The following SIL1 variants were observed in gnomAD, a reference collection of about 807,000 sequenced individuals.
SIL1 encodes SIL1 nucleotide exchange factor, also known as nucleotide exchange factor SIL1.
A neutral mutation model predicts 49.1 loss-of-function variants in SIL1; 40 were observed. The ratio of observed to expected loss-of-function variants is 0.81; its 90% CI spans 0.63 to 1.06. The LOEUF (loss-of-function observed/expected upper bound fraction) is 1.06, where lower values mean the gene tolerates loss of function less well. SIL1 is among the 50% of genes least tolerant of loss of function. The pLI, the probability that SIL1 is intolerant of heterozygous loss-of-function variation, is 0.00. For missense variants in SIL1, 500 were observed against 572.6 expected, an observed-to-expected ratio of 0.87 and a Z score of 1.29; for synonymous variants, 253 against 250.8, an observed-to-expected ratio of 1.01 and a Z score of -0.08.
chr5:139,034,446 C>T (rs1406529818), intron 5 of SIL1: 1 of 151,994 alleles, frequency 6.6e-6, no homozygotes, highest in African/African-American at 2.4e-5. Flanking sequence ...AACCAAGGTA[C>T]ATTTTATATA....
At chr5:139,131,539 G>A (rs543062993) in intron 1 of SIL1, 23 of 152,270 alleles carry the variant, frequency 1.5e-4, no homozygotes, top group Admixed American at 5.9e-4. Flanking sequence ...GCAAAGGCTC[G>A]GGTACTAAAA....
chr5:139,110,763 G>C (rs546017158), intron 3 of SIL1, among the ~76,000 whole-genome samples: 2 of 152,346 alleles, frequency 1.3e-5, no homozygotes, highest in Non-Finnish European at 2.9e-5. Context: ...GCCTCAAAGA[G>C]TTCCCTTGAT....
chr5:139,165,510 G>A (rs545040093), intron 1 of SIL1, among the ~76,000 whole-genome samples: 5 of 152,044 alleles, frequency 3.3e-5, no homozygotes, highest in Admixed American at 1.3e-4. Flanking sequence ...CACCACACCT[G>A]GCTAATTTTT....
intron 1 of SIL1, among the ~76,000 whole-genome samples, chr5:139,191,159 G>A (rs974939207): frequency 2.7e-5 from 4 of 149,898 alleles, no homozygotes; most frequent in African/African-American, 7.4e-5. Context: ...TTGAACCTGG[G>A]AGGCAGAGGT....
At chr5:138,999,821 C>T (rs1318501536) in intron 7 of SIL1, among the ~76,000 whole-genome samples, 1 of 152,046 alleles carries the variant, frequency 6.6e-6, no homozygotes, top group East Asian at 1.9e-4. Context: ...TTGCTTGAGC[C>T]CAGCAGGTCA....
intron 7 of SIL1, among the ~76,000 whole-genome samples, chr5:138,978,467 T>C (rs1767440810): frequency 6.6e-6 from 1 of 152,254 alleles, no homozygotes; most frequent in Non-Finnish European, 1.5e-5. Context: ...TGTTTCCACT[T>C]TTTGGCTGTT....
chr5:138,970,167 G>A (rs1356685866), intron 7 of SIL1, among the ~76,000 whole-genome samples: 1 of 152,258 alleles, frequency 6.6e-6, no homozygotes, highest in African/African-American at 2.4e-5. Context: ...GAAGGGAGAT[G>A]AAAATGTATG....
intron 7 of SIL1, among the ~76,000 whole-genome samples, chr5:139,015,544 C>T (rs1768380049): frequency 1.3e-5 from 2 of 152,166 alleles, no homozygotes; most frequent in South Asian, 4.2e-4. Flanking sequence ...TCATAAATAA[C>T]CCAGTTTCCT....
At chr5:139,077,023 AT>A (rs1287177926) in intron 3 of SIL1, among the ~76,000 whole-genome samples, 1 of 152,176 alleles carries the variant, frequency 6.6e-6, no homozygotes, top group African/African-American at 2.4e-5. Flanking sequence ...AAACCCAGCT[AT>A]TTGGGAGGCT....
chr5:138,996,042 T>C (rs924030502), intron 7 of SIL1, among the ~76,000 whole-genome samples: 1 of 152,260 alleles, frequency 6.6e-6, no homozygotes, highest in African/African-American at 2.4e-5. Context: ...TCCTTTCTTT[T>C]GGACATACAC....
intron 3 of SIL1, among the ~76,000 whole-genome samples, chr5:139,056,753 C>G (rs1158224265): frequency 6.6e-6 from 1 of 151,802 alleles, no homozygotes; most frequent in Admixed American, 6.6e-5. Flanking sequence ...GGCGCCTCTG[C>G]CTGCCCGCCC....
chr5:139,177,214 G>T (rs1379089076), intron 1 of SIL1, among the ~76,000 whole-genome samples: 1 of 151,588 alleles, frequency 6.6e-6, no homozygotes, highest in African/African-American at 2.4e-5. Flanking sequence ...TTATAGGCGT[G>T]AGCCACCACG....
At position 139,121,121 on chromosome 5, in the gene SIL1, C is replaced by T; in HGVS notation, c.158G>A (p.Arg53Lys). 6.2e-7 allele frequency: 1 copy of T among 1,614,216 alleles called. No homozygotes were observed. Among genetic ancestry groups the T allele is most frequent in the Non-Finnish European group, 8.5e-7 (1 of 1,180,042 alleles). Residue 53 changes from arginine to lysine, a missense_variant, in exon 3 of 10, where the codon AGA becomes AAA. By Grantham distance (26) the Arg-to-Lys change is conservative (BLOSUM62 2). Coordinates refer to ENST00000394817, the MANE Select transcript of SIL1 (RefSeq NM_022464.5). ...CTCCTCCTCGGCTTTGGTTTCTTTT[C>T]TCTCTGTTTCTTTGGTGCTGCTCTT... Reference protein sequence around the residue: ...PEKSSTKETERKETKAEEELD... With the variant: ...PEKSSTKETEKKETKAEEELD...
At chr5:138,994,861 C>G (rs1046801814) in intron 7 of SIL1, among the ~76,000 whole-genome samples, 5 of 152,174 alleles carry the variant, frequency 3.3e-5, no homozygotes, top group African/African-American at 9.7e-5. Context: ...CTCTTGCCCC[C>G]CAGCCAACCA....
chr5:139,091,953 G>C (rs1324814412), intron 3 of SIL1, among the ~76,000 whole-genome samples: 1 of 152,226 alleles, frequency 6.6e-6, no homozygotes, highest in African/African-American at 2.4e-5. Flanking sequence ...CTGGAAATGG[G>C]AGTAAGTGGA....
intron 7 of SIL1, among the ~76,000 whole-genome samples, chr5:139,000,881 T>C (rs886462330): frequency 6.6e-6 from 1 of 151,834 alleles, no homozygotes; most frequent in Non-Finnish European, 1.5e-5. Flanking sequence ...ATATGAAATA[T>C]ATAATTACCC....
At chr5:139,027,132 C>G (rs1165219046) in intron 5 of SIL1, 140 bp from the exon 6 acceptor site, 3 of 779,968 alleles carry the variant, frequency 3.8e-6, no homozygotes, top group Non-Finnish European at 6.4e-6. Context: ...ATCAAAAATA[C>G]TAATACTTTC....
intron 3 of SIL1, among the ~76,000 whole-genome samples, chr5:139,077,972 G>A (rs981821973): frequency 3.5e-4 from 54 of 152,124 alleles, no homozygotes; most frequent in African/African-American, 1.2e-3. Context: ...ATAGCACAGA[G>A]CAAGAAGGCA....
In SIL1 at chr5:139,079,950, T is replaced by G. The variant is rs554209529; in HGVS notation, c.245-28904A>C. Among the ~76,000 whole-genome samples the G allele has an allele frequency of 3.9e-5, 6 of 152,304 alleles. No individual in the cohort carries two copies. In the East Asian group the frequency reaches 5.8e-4, roughly 15 times the overall value. On this transcript the variant is annotated intron_variant, in intron 3 of 9. Coordinates refer to ENST00000394817, the MANE Select transcript of SIL1 (RefSeq NM_022464.5). ...TACTTGAAAACCTGGGATTCCTACT[T>G]TCTCTCATGTAGCCACAGCTATCAT...
Sources: gnomAD v4.1 joint callset for allele counts (sites outside exome capture counted in the v4.1 genomes callset) on GRCh38, gnomAD v4.1.1 for gene constraint, MANE v1.5 for transcripts, NCBI Gene and HGNC (gene_info 2026-07-23, HGNC 2026-07-21) for gene names.